LRTM1: variants seen among roughly 807,000 people sequenced by gnomAD.
The protein encoded by LRTM1 is leucine-rich repeat and transmembrane domain-containing protein 1.
Under a neutral mutation model 32.4 loss-of-function variants are expected in LRTM1, and 38 were observed. The observed-to-expected ratio is 1.17, with a 90% CI of 0.91 to 1.54. The LOEUF is 1.54. Ranked by LOEUF, LRTM1 falls within the 40% of genes most tolerant of loss-of-function variation. The pLI is 0.00. For missense variants in LRTM1, 466 were observed against 415.4 expected (o/e 1.12, Z -1.06); for synonymous variants, 186 against 169.9 (o/e 1.09, Z -0.74).
At chr3:54,929,103 G>T (rs1701113705), upstream of LRTM1, among the ~76,000 whole-genome samples, 1 of 152,128 alleles carries the variant, frequency 6.6e-6, no homozygotes, top group African/African-American at 2.4e-5. Context: ...CATTGGGTTT[G>T]GGCTCTGGAA....
intron 1 of LRTM1, among the ~76,000 whole-genome samples, chr3:54,940,650 G>A (rs1701442166): frequency 6.6e-6 from 1 of 151,240 alleles, no homozygotes; most frequent in Non-Finnish European, 1.5e-5. Flanking sequence ...TTTTCTGGGT[G>A]TGAATGCCTA....
At chr3:54,944,457 G>C (rs1701557995) in intron 1 of LRTM1, among the ~76,000 whole-genome samples, 1 of 151,594 alleles carries the variant, frequency 6.6e-6, no homozygotes, top group Non-Finnish European at 1.5e-5. Flanking sequence ...ATCTCGCTCT[G>C]TCGCCCAGGC....
chr3:54,965,030 A>G (rs1338307361), intron 1 of LRTM1, among the ~76,000 whole-genome samples: 1 of 152,138 alleles, frequency 6.6e-6, no homozygotes, highest in Non-Finnish European at 1.5e-5. Flanking sequence ...AAGACCTTCA[A>G]TGGCACCAAC....
At chr3:54,931,113 A>G (rs1287996032), upstream of LRTM1, among the ~76,000 whole-genome samples, 1 of 152,186 alleles carries the variant, frequency 6.6e-6, no homozygotes, top group Non-Finnish European at 1.5e-5. Context: ...AACAAAAAAC[A>G]AAGTGGCATC....
At chr3:54,944,700 C>T (rs1032712587) in intron 1 of LRTM1, among the ~76,000 whole-genome samples, 8 of 151,926 alleles carry the variant, frequency 5.3e-5, no homozygotes, top group South Asian at 2.1e-4. Context: ...GGATTACAGG[C>T]GTGAGCCACC....
Position 54,924,656 on chromosome 3 carries a change from G to A in LRTM1, c.567C>T (p.Leu189=), listed in dbSNP as rs201955269. Residue 189 remains leucine (L), a synonymous_variant, in exon 2 of 3, where the codon CTC becomes CTT. Coordinates refer to ENST00000273286, the MANE Select transcript of LRTM1 (RefSeq NM_020678.4). ...ATTTCTCCAGCCAGAGTTTAAGACC[G>A]AGCAAGTGGCAATTGCATTTCCAGA... ...DNLWKCNCHL[L]GLKLWLEKFV... The A allele has an allele frequency of 1.1e-4, 172 of 1,614,058 alleles. 1 individual carries two copies. The East Asian group carries it at 1.7e-3, about 16-fold the overall frequency.
At chr3:54,962,585 G>A (rs144115971) in intron 1 of LRTM1, among the ~76,000 whole-genome samples, 86 of 152,250 alleles carry the variant, frequency 5.6e-4, no homozygotes, top group African/African-American at 2.0e-3. Flanking sequence ...AGCCAGAGCC[G>A]GTGCAACTCT....
chr3:54,920,788 C>T (rs1255174707), intron 2 of LRTM1, among the ~76,000 whole-genome samples: 1 of 152,180 alleles, frequency 6.6e-6, no homozygotes, highest in African/African-American at 2.4e-5. Flanking sequence ...GGGGGATGGA[C>T]AGGTTCATCA....
chr3:54,941,076 A>G (rs2106984167), intron 1 of LRTM1, among the ~76,000 whole-genome samples: 1 of 152,314 alleles, frequency 6.6e-6, no homozygotes, highest in East Asian at 1.9e-4. Flanking sequence ...ACACTGGACT[A>G]GGGGAGGTTT....
intron 1 of LRTM1, among the ~76,000 whole-genome samples, chr3:54,961,287 C>T (rs1702024406): frequency 6.6e-6 from 1 of 152,112 alleles, no homozygotes; most frequent in Non-Finnish European, 1.5e-5. Flanking sequence ...ATACCCAGTG[C>T]CCTGATTAAG....
In LRTM1 at chr3:54,952,740, C is replaced by G. The variant is rs142209981; in HGVS notation, c.-222+14188G>C. ...CTTCCAGATGGGAAAGCTCTCTCAT[C>G]TGTTTTCCAGCCCAGCCACTCCAAA... On this transcript the variant is annotated intron_variant, in intron 1 of 2. Coordinates refer to the LRTM1 transcript ENST00000493075. Among the ~76,000 whole-genome samples the G allele has an allele frequency of 9.4e-4, 143 of 152,316 alleles. 1 individual carries two copies. Among genetic ancestry groups the G allele is most frequent in the Non-Finnish European group, 7.1e-4 (48 of 68,032 alleles).
upstream of LRTM1, among the ~76,000 whole-genome samples, chr3:54,932,751 T>C (rs1486956841): frequency 6.6e-6 from 1 of 152,222 alleles, no homozygotes; most frequent in Non-Finnish European, 1.5e-5. Context: ...CATGGCCAAG[T>C]GCTCCTCCAT....
Position 54,945,340 on chromosome 3 carries a change from A to G in LRTM1, c.-221-20125T>C, listed in dbSNP as rs1247191309. Reference sequence around the variant, plus strand: ...CAGGGGATCTGGCTCTCCGAGCCTTACTCTGTAGTATCTTGGCCTCGAAAG... The same window carrying G: ...CAGGGGATCTGGCTCTCCGAGCCTTGCTCTGTAGTATCTTGGCCTCGAAAG... On this transcript the variant is annotated intron_variant, in intron 1 of 2. Coordinates refer to the LRTM1 transcript ENST00000493075. Among the ~76,000 whole-genome samples the G allele has an allele frequency of 2.6e-5, 4 of 152,082 alleles. No individual in the cohort carries two copies. The East Asian group carries it at 7.7e-4, about 29-fold the overall frequency.
intron 1 of LRTM1, among the ~76,000 whole-genome samples, chr3:54,947,013 A>G (rs2107003593): frequency 6.6e-6 from 1 of 152,318 alleles, no homozygotes; most frequent in East Asian, 1.9e-4. Flanking sequence ...GCCTTAGACA[A>G]GTAATTGGGT....
chr3:54,953,548 A>G (rs926438881), intron 1 of LRTM1, among the ~76,000 whole-genome samples: 5 of 152,184 alleles, frequency 3.3e-5, no homozygotes, highest in Non-Finnish European at 5.9e-5. Flanking sequence ...CATTACAACA[A>G]GGCCTCAGGA....
At chr3:54,937,910 T>C (rs969074017) in intron 1 of LRTM1, among the ~76,000 whole-genome samples, 4 of 152,096 alleles carry the variant, frequency 2.6e-5, no homozygotes, top group African/African-American at 9.7e-5. Flanking sequence ...CCCGACCTCA[T>C]CTCCCGGTCA....
chr3:54,937,124 G>A (rs1701347753), intron 1 of LRTM1, among the ~76,000 whole-genome samples: 1 of 152,148 alleles, frequency 6.6e-6, no homozygotes, highest in Non-Finnish European at 1.5e-5. Flanking sequence ...TGAAGGTGAA[G>A]ACACCCTTAC....
upstream of LRTM1, among the ~76,000 whole-genome samples, chr3:54,930,455 A>T (rs1701157209): frequency 6.6e-6 from 1 of 152,220 alleles, no homozygotes; most frequent in African/African-American, 2.4e-5. Flanking sequence ...TCTTTAGGTT[A>T]TAGTGGAGAT....
chr3:54,949,902 A>G (rs144390097), intron 1 of LRTM1, among the ~76,000 whole-genome samples: 114 of 152,272 alleles, frequency 7.5e-4, no homozygotes, highest in African/African-American at 2.4e-3. Context: ...GGCATTATTC[A>G]TGTCTAGTCT....
Sources: allele counts gnomAD v4.1 joint callset (sites outside exome capture counted in the v4.1 genomes callset), GRCh38; gene constraint gnomAD v4.1.1; transcripts MANE v1.5; gene names NCBI Gene and HGNC (gene_info 2026-07-23, HGNC 2026-07-21).